Variants in CLSTN3 observed in about 807,000 individuals in gnomAD.
CLSTN3 encodes the protein calsyntenin 3.
In CLSTN3, 36 loss-of-function variants were observed where a neutral mutation model predicts 95.9. That is an observed-to-expected ratio of 0.38 (90% confidence interval 0.29 to 0.50). CLSTN3 has a LOEUF of 0.50. Among genes scored for constraint, CLSTN3 ranks in the 20% least tolerant of loss-of-function variants. The pLI is 0.95. For missense variants in CLSTN3, 1,084 were observed against 1,268.8 expected, an observed-to-expected ratio of 0.85 and a Z score of 2.21; for synonymous variants, 481 against 504.0, an observed-to-expected ratio of 0.95 and a Z score of 0.61.
rs999903991 is a variant in CLSTN3, at chr12:7,150,783, A to G, written c.2391+94A>G. The stretch of plus-strand genomic sequence containing the variant: ...AAAATGTTAGTTGGTGGGCATGGAC[A>G]TGGCAGCGTGGAGGGCTGCTGGACC... On this transcript the variant is annotated intron_variant, in intron 15 of 17. Transcript: ENST00000266546. The surrounding 1 kb of genome is among the most constrained non-coding windows in gnomAD (Gnocchi z 4.0). The G allele has an allele frequency of 6.4e-7, 1 of 1,568,738 alleles. No homozygotes were observed. The highest frequency in any genetic ancestry group is 8.7e-7 in the Non-Finnish European group (1 of 1,149,478).
chr12:7,130,718 T>TGAGGTG lies in CLSTN3; in HGVS notation c.64+8_64+13dup, dbSNP rs751581069. 6.6e-7 allele frequency: 1 copy of TGAGGTG among 1,514,464 alleles called. No individual in the cohort carries two copies. The highest frequency in any genetic ancestry group is 1.2e-5 in the South Asian group (1 of 82,120). The allele number at this position is 1,514,464 out of a possible 1,614,324, so 93.8% of individuals were successfully genotyped here. ...GTCCTGCTCCTGTAACAAAGGTGAG[T>TGAGGTG]GAGGTGGGGGTGGGGGTACCGAAAG... On this transcript the variant is annotated splice_region_variant and intron_variant, in intron 1 of 17. Transcript: ENST00000266546.
chr12:7,144,198 A>G (rs1939583531), intron 12 of CLSTN3, among the ~76,000 whole-genome samples: 1 of 141,910 alleles, frequency 7.0e-6, no homozygotes, highest in Non-Finnish European at 1.5e-5. Context: ...GCACCACTGC[A>G]CTCCAGCCTG....
chr12:7,156,196 G>A (rs1939811798), intron 16 of CLSTN3: 1 of 447,940 alleles, frequency 2.2e-6, no homozygotes, highest in South Asian at 1.6e-5. Context: ...GTGGGCAGGG[G>A]TGTGCACCCA....
Position 7,135,339 on chromosome 12 carries a change from T to C in CLSTN3, c.396T>C (p.His132=). The C allele has an allele frequency of 6.2e-7, 1 of 1,614,102 alleles. No homozygotes were observed. Among genetic ancestry groups the C allele is most frequent in the Non-Finnish European group, 8.5e-7 (1 of 1,179,990 alleles). The change falls in exon 4 of 18, where the codon CAT becomes CAC. Residue 132 remains histidine (H), a synonymous_variant. Transcript: ENST00000266546. ...CTGGCATATGCAGGGCCACTGTGCA[T>C]GTGCGGGTCAACGATGTGAACGAGT... ...NTKKSHKATV[H]VRVNDVNEFA...
At chr12:7,146,896 A>T (rs1939629480) in intron 12 of CLSTN3, among the ~76,000 whole-genome samples, 1 of 152,110 alleles carries the variant, frequency 6.6e-6, no homozygotes, top group South Asian at 2.1e-4. Context: ...CCCTAGGCCT[A>T]TCTGGATGGC....
intron 12 of CLSTN3, among the ~76,000 whole-genome samples, chr12:7,144,911 G>A (rs1347452349): frequency 6.6e-6 from 1 of 152,160 alleles, no homozygotes; most frequent in Non-Finnish European, 1.5e-5. Context: ...AGTTAATGTG[G>A]GTGCAGCTGA....
intron 16 of CLSTN3, chr12:7,156,180 T>C: frequency 2.3e-6 from 1 of 431,066 alleles, no homozygotes; most frequent in East Asian, 7.0e-5. Context: ...CTGCTGTGTA[T>C]GCATGGTGGG....
At chr12:7,134,314 G>A (rs1939364370) in intron 3 of CLSTN3, among the ~76,000 whole-genome samples, 1 of 152,210 alleles carries the variant, frequency 6.6e-6, no homozygotes, top group Non-Finnish European at 1.5e-5. Flanking sequence ...AGGGTGGGCA[G>A]GCGATGGTTG....
At chr12:7,156,945 G>T (rs748511715) in intron 16 of CLSTN3, 1 of 412,710 alleles carries the variant, frequency 2.4e-6, no homozygotes, top group South Asian at 1.8e-5. Flanking sequence ...TAAGGGAAGG[G>T]GCTGCTCTGT....
Position 7,141,374 on chromosome 12 carries a change from C to A in CLSTN3, c.1456C>A (p.Pro486Thr). The A allele has an allele frequency of 6.2e-7, 1 of 1,614,194 alleles. No individual in the cohort carries two copies. The highest frequency in any genetic ancestry group is 1.1e-5 in the South Asian group (1 of 91,092). ...NGLIHPPRRE[P>T]ALMIGACWTE... is the part of the protein sequence containing the mutation. ...CCTCATCCACCCACCCCGAAGGGAGCCTGCTCTCATGATTGGGGCCTGCTG... is the reference window on the plus strand; with the variant it reads ...CCTCATCCACCCACCCCGAAGGGAGACTGCTCTCATGATTGGGGCCTGCTG... Residue 486 changes from proline (P) to threonine (T), a missense_variant, in exon 9 of 18, where the codon CCT (proline) becomes ACT (threonine). Physicochemically the swap from Pro to Thr is conservative, Grantham distance 38. Coordinates refer to ENST00000266546, the MANE Select transcript of CLSTN3 (RefSeq NM_014718.4). The surrounding 1 kb of genome is among the most constrained non-coding windows in gnomAD (Gnocchi z 4.1).
Position 7,157,922 on chromosome 12 carries a change from C to T in CLSTN3, c.2731-19C>T, listed in dbSNP as rs1331394907. ...GTGCAGGCCATTGATCCCTTCTCCT[C>T]TCTGTTCCTGCCCTCCAGTCCTACC... On this transcript the variant is annotated intron_variant, in intron 17 of 17. Coordinates refer to ENST00000266546, the MANE Select transcript of CLSTN3 (RefSeq NM_014718.4). The surrounding 1 kb of genome is among the most constrained non-coding windows in gnomAD (Gnocchi z 5.9). 1 of 1,549,810 alleles carries T rather than the reference C, an allele frequency of 6.5e-7. No homozygotes were observed. Among genetic ancestry groups the T allele is most frequent in the Non-Finnish European group, 8.7e-7 (1 of 1,146,912 alleles).
At chr12:7,136,713 G>A (rs1381588797) in intron 6 of CLSTN3, 116 bp from the exon 7 acceptor site, 3 of 1,162,682 alleles carry the variant, frequency 2.6e-6, no homozygotes, top group Non-Finnish European at 3.7e-6. Context: ...CATAAAAGGT[G>A]GCAAGACGTG....
At position 7,157,507 on chromosome 12, in the gene CLSTN3, C is replaced by T. The variant is rs1314006170; in HGVS notation, c.2546C>T (p.Thr849Ile). The change falls in exon 17 of 18, where the codon ACC becomes ATC. Residue 849 changes from threonine to isoleucine, a missense_variant. Physicochemically the swap from Thr to Ile is moderately conservative, Grantham distance 89. Transcript: ENST00000266546. The surrounding 1 kb of genome is among the most constrained non-coding windows in gnomAD (Gnocchi z 5.9). ...HRNSMIPSAA[T>I]LIIVVCVGFL... is the part of the protein sequence containing the mutation. ...TCTGCAGTGATACCCAGCGCCGCAA[C>T]CCTCATCATTGTGGTGTGCGTGGGC... 1 of 1,592,872 alleles carries T rather than the reference C, an allele frequency of 6.3e-7. No individual in the cohort carries two copies. Among genetic ancestry groups the T allele is most frequent in the Admixed American group, 1.7e-5 (1 of 57,564 alleles).
intron 16 of CLSTN3, among the ~76,000 whole-genome samples, chr12:7,151,818 T>G (rs1472803475): frequency 6.6e-6 from 1 of 152,170 alleles, no homozygotes; most frequent in Non-Finnish European, 1.5e-5. Flanking sequence ...CACACTAGGC[T>G]GAGTCAGGAG....
In CLSTN3 at chr12:7,157,984, G is replaced by C. The variant is rs374978104; in HGVS notation, c.2774G>C (p.Gly925Ala). ...TCCTGTGTGACGGGGGCTGTTGGGG[G>C]CCAGCAGGAGGATGAGGACAGCAGT... ...RQSCVTGAVG[G>A]QQEDEDSSDS... The change falls in exon 18 of 18, where the codon GGC (glycine) becomes GCC (alanine). Residue 925 changes from glycine (G) to alanine (A), a missense_variant. Transcript: ENST00000266546. This position sits in a 1 kb window ranked among gnomAD's most constrained non-coding sequence, Gnocchi z 5.9. The C allele has an allele frequency of 7.1e-6, 11 of 1,551,212 alleles. No homozygotes were observed. Among genetic ancestry groups the C allele is most frequent in the African/African-American group, 1.4e-5 (1 of 72,964 alleles).
chr12:7,150,856 G>A lies in CLSTN3; in HGVS notation c.2392-72G>A. The A allele has an allele frequency of 1.3e-6, 2 of 1,549,644 alleles. No individual in the cohort carries two copies. Among genetic ancestry groups the A allele is most frequent in the Non-Finnish European group, 1.8e-6 (2 of 1,141,904 alleles). The stretch of plus-strand genomic sequence containing the variant: ...AGATGGGGGCAGTAGTTAGGAGATG[G>A]GGCTGGGGTCTAGAGAAGTGGGGAG... On this transcript the variant is annotated intron_variant, in intron 15 of 17. Coordinates refer to ENST00000266546, the MANE Select transcript of CLSTN3 (RefSeq NM_014718.4). This position sits in a 1 kb window ranked among gnomAD's most constrained non-coding sequence, Gnocchi z 4.0.
rs763105524 is a variant in CLSTN3, at chr12:7,133,176, G to A, written c.187+30G>A. 1.2e-6 allele frequency: 2 copies of A among 1,612,408 alleles called. No individual in the cohort carries two copies. Among genetic ancestry groups the A allele is most frequent in the Non-Finnish European group, 1.7e-6 (2 of 1,178,720 alleles). ...TTGGGATTGGGGGATGGCAAGGCAG[G>A]GTAGGACAGAGAAAAGTGGGTGGGA... On this transcript the variant is annotated intron_variant, in intron 2 of 17. Coordinates refer to ENST00000266546, the MANE Select transcript of CLSTN3 (RefSeq NM_014718.4). This position sits in a 1 kb window ranked among gnomAD's most constrained non-coding sequence, Gnocchi z 4.7.
Position 7,133,935 on chromosome 12 carries a change from C to A in CLSTN3, c.383+167C>A. On this transcript the variant is annotated intron_variant, in intron 3 of 17. Coordinates refer to ENST00000266546, the MANE Select transcript of CLSTN3 (RefSeq NM_014718.4). The surrounding 1 kb of genome is among the most constrained non-coding windows in gnomAD (Gnocchi z 4.7). ...GCTGTTCCTAGGATTTAGGGACTTTCAGGCAAGGTGACAGAAACGTATAGT... is the reference window on the plus strand; with the variant it reads ...GCTGTTCCTAGGATTTAGGGACTTTAAGGCAAGGTGACAGAAACGTATAGT... 1.7e-6 allele frequency: 1 copy of A among 594,044 alleles called. No homozygotes were observed. Among genetic ancestry groups the A allele is most frequent in the Admixed American group, 3.5e-5 (1 of 28,966 alleles). 36.8% of individuals were successfully genotyped at this position (594,044 alleles called of 1,614,324 possible). A position where few individuals can be genotyped will look rare whatever the true frequency, so the allele number is the denominator to read the frequency against.
Position 7,133,963 on chromosome 12 carries a change from A to C in CLSTN3, c.383+195A>C. On this transcript the variant is annotated intron_variant, in intron 3 of 17. Coordinates refer to ENST00000266546, the MANE Select transcript of CLSTN3 (RefSeq NM_014718.4). The surrounding 1 kb of genome is among the most constrained non-coding windows in gnomAD (Gnocchi z 4.7). ...GCAAGGTGACAGAAACGTATAGTAG[A>C]GTTCAGTGGATCTAATCTTGGCTTT... The C allele has an allele frequency of 6.0e-6, 3 of 497,002 alleles. No individual in the cohort carries two copies. Among genetic ancestry groups the C allele is most frequent in the South Asian group, 7.5e-5 (2 of 26,694 alleles). The allele number at this position is 497,002 out of a possible 1,614,324, so 30.8% of individuals were successfully genotyped here. A position where few individuals can be genotyped will look rare whatever the true frequency, so the allele number is the denominator to read the frequency against.
Sources: gnomAD v4.1 joint callset for allele counts (sites outside exome capture counted in the v4.1 genomes callset) on GRCh38, gnomAD v4.1.1 for gene constraint, Gnocchi (gnomAD v3.1) non-coding constraint, MANE v1.5 for transcripts, NCBI Gene and HGNC (gene_info 2026-07-23, HGNC 2026-07-21) for gene names.